Variants in DSCAM observed in about 807,000 individuals in gnomAD.
The protein encoded by DSCAM is cell adhesion molecule DSCAM.
In DSCAM, 47 loss-of-function variants were observed where a neutral mutation model predicts 217.7. The ratio of observed to expected loss-of-function variants is 0.22; its 90% CI spans 0.17 to 0.28. The LOEUF (loss-of-function observed/expected upper bound fraction) is 0.28, where lower values mean the gene tolerates loss of function less well. Among genes scored for constraint, DSCAM ranks in the 10% least tolerant of loss-of-function variants. DSCAM has a pLI of 1.00. For missense variants in DSCAM, 2,080 were observed against 2,618.3 expected (o/e 0.79, Z 4.49); for synonymous variants, 1,056 against 1,015.3 (o/e 1.04, Z -0.76).
intron 3 of DSCAM, among the ~76,000 whole-genome samples, chr21:40,480,482 A>G (rs1436554370): frequency 6.6e-6 from 1 of 152,234 alleles, no homozygotes; most frequent in African/African-American, 2.4e-5. Context: ...CATTGAAGCT[A>G]TATTTTTGCA....
Position 40,182,622 on chromosome 21 carries a change from C to T in DSCAM, c.2780-3528G>A, listed in dbSNP as rs1177316058. Among the ~76,000 whole-genome samples, 36 of 100,998 alleles carry T rather than the reference C, an allele frequency of 3.6e-4. 1 individual carries two copies. Among genetic ancestry groups the T allele is most frequent in the African/African-American group, 1.2e-3 (25 of 21,650 alleles). 66.3% of individuals were successfully genotyped at this position (100,998 alleles called of 152,430 possible). ...CAGAGAAACCGTGGACAGAACGGGC[C>T]ACCAGAGAAACCGTGGACAGGAGGG... is the stretch of plus-strand genomic sequence containing the variant. On this transcript the variant is annotated intron_variant, in intron 14 of 32. Coordinates refer to ENST00000400454, the MANE Select transcript of DSCAM (RefSeq NM_001389.5).
intron 8 of DSCAM, among the ~76,000 whole-genome samples, chr21:40,320,915 T>C (rs1176863742): frequency 6.6e-6 from 1 of 152,236 alleles, no homozygotes; most frequent in African/African-American, 2.4e-5. Context: ...TGTTCATTTA[T>C]GTGTATTTAC....
chr21:40,364,463 G>A (rs1303876774), intron 4 of DSCAM, among the ~76,000 whole-genome samples: 3 of 148,694 alleles, frequency 2.0e-5, no homozygotes, highest in Non-Finnish European at 3.0e-5. Flanking sequence ...TCACTCATAG[G>A]TGGGAATTGA....
intron 11 of DSCAM, among the ~76,000 whole-genome samples, chr21:40,261,681 A>T (rs1218212929): frequency 6.6e-6 from 1 of 151,688 alleles, no homozygotes; most frequent in Admixed American, 6.6e-5. Context: ...ACACACACAC[A>T]CACACATTCT....
intron 11 of DSCAM, among the ~76,000 whole-genome samples, chr21:40,267,849 T>C (rs2073560602): frequency 6.6e-6 from 1 of 151,870 alleles, no homozygotes; most frequent in Non-Finnish European, 1.5e-5. Flanking sequence ...TGAGCTGAGA[T>C]CGTGCCATTG....
chr21:40,140,986 TACA>T (rs2090283382), intron 18 of DSCAM, among the ~76,000 whole-genome samples: 2 of 152,128 alleles, frequency 1.3e-5, no homozygotes, highest in African/African-American at 4.8e-5. Flanking sequence ...CTCCAGGTAC[TACA>T]TGTGGCAACA....
chr21:40,188,000 C>A lies in DSCAM; in HGVS notation c.2554-13G>T, dbSNP rs751150841. The A allele has an allele frequency of 8.7e-6, 14 of 1,603,088 alleles. No individual in the cohort carries two copies. The South Asian group carries it at 1.6e-4, about 18-fold the overall frequency. On this transcript the variant is annotated splice_polypyrimidine_tract_variant and intron_variant, in intron 12 of 32. Transcript: ENST00000400454. Reference sequence around the variant, plus strand: ...CAGTTGGCAAAATCTATGTGTAAAGCAGAAAGAAATTCATCTTTTTCAGTA... The same window carrying A: ...CAGTTGGCAAAATCTATGTGTAAAGAAGAAAGAAATTCATCTTTTTCAGTA...
intron 8 of DSCAM, 87 bp downstream of exon 8, chr21:40,338,014 C>A (rs2074445966): frequency 6.6e-7 from 1 of 1,523,816 alleles, no homozygotes; most frequent in African/African-American, 1.4e-5. Context: ...ATAAGCAGAT[C>A]TTGGATTACC....
At chr21:40,358,978 A>G (rs1446033726) in intron 4 of DSCAM, among the ~76,000 whole-genome samples, 1 of 152,162 alleles carries the variant, frequency 6.6e-6, no homozygotes, top group African/African-American at 2.4e-5. Context: ...ATAGTTGACT[A>G]TTTTACATCA....
At chr21:40,525,847 T>G (rs1265878583) in intron 3 of DSCAM, among the ~76,000 whole-genome samples, 1 of 152,210 alleles carries the variant, frequency 6.6e-6, no homozygotes, top group African/African-American at 2.4e-5. Flanking sequence ...GCCTTCCATC[T>G]GAGAACCTTC....
chr21:40,626,241 C>T (rs930485041), intron 3 of DSCAM, among the ~76,000 whole-genome samples: 1 of 152,122 alleles, frequency 6.6e-6, no homozygotes, highest in African/African-American at 2.4e-5. Context: ...CTGCCCTCAG[C>T]CCATGTCAAC....
intron 16 of DSCAM, among the ~76,000 whole-genome samples, chr21:40,151,915 G>A (rs1374117755): frequency 6.6e-6 from 1 of 152,132 alleles, no homozygotes; most frequent in East Asian, 1.9e-4. Context: ...AGCTTCTGAT[G>A]AGCCAATTTA....
chr21:40,167,117 T>G, intron 16 of DSCAM, 101 bp downstream of exon 16: 2 of 1,045,576 alleles, frequency 1.9e-6, no homozygotes, highest in Non-Finnish European at 1.4e-6. Flanking sequence ...AAAATAAAAG[T>G]TTTGTAAAAT....
chr21:40,666,536 C>T (rs1447213497), intron 3 of DSCAM, among the ~76,000 whole-genome samples: 1 of 152,214 alleles, frequency 6.6e-6, no homozygotes, highest in African/African-American at 2.4e-5. Context: ...TTCTTCCTCA[C>T]CTTGCATGGG....
At chr21:40,480,471 A>G (rs2075972941) in intron 3 of DSCAM, among the ~76,000 whole-genome samples, 1 of 152,228 alleles carries the variant, frequency 6.6e-6, no homozygotes, top group African/African-American at 2.4e-5. Context: ...TATGCATAAC[A>G]CATTGAAGCT....
chr21:40,157,899 G>A (rs1369482375), intron 16 of DSCAM, among the ~76,000 whole-genome samples: 4 of 151,394 alleles, frequency 2.6e-5, no homozygotes, highest in Non-Finnish European at 5.9e-5. Context: ...TCACTATGTT[G>A]CCCAGGCTGG....
chr21:40,144,739 G>A lies in DSCAM; in HGVS notation c.3019-8C>T. The A allele has an allele frequency of 6.2e-7, 1 of 1,614,096 alleles. No homozygotes were observed. ...CAAATGTTTCTTGGGAGCCTAAACA[G>A]GAGAGAAAAGAACACACTAAAGAAG... On this transcript the variant is annotated splice_polypyrimidine_tract_variant and splice_region_variant and intron_variant, in intron 16 of 32. Transcript: ENST00000400454. The surrounding 1 kb of genome is among the most constrained non-coding windows in gnomAD (Gnocchi z 4.8).
intron 32 of DSCAM, among the ~76,000 whole-genome samples, chr21:40,018,617 C>A (rs933862995): frequency 6.6e-6 from 1 of 152,180 alleles, no homozygotes; most frequent in Non-Finnish European, 1.5e-5. Flanking sequence ...GTGGTCCCGG[C>A]TGGACTGCAG....
At chr21:40,791,793 T>C (rs1437882510) in intron 1 of DSCAM, among the ~76,000 whole-genome samples, 1 of 152,210 alleles carries the variant, frequency 6.6e-6, no homozygotes, top group East Asian at 1.9e-4. Context: ...TCTCCTCACA[T>C]TGTCTTCATC....
Sources: allele counts gnomAD v4.1 joint callset (sites outside exome capture counted in the v4.1 genomes callset), GRCh38; gene constraint gnomAD v4.1.1; non-coding constraint Gnocchi (gnomAD v3.1); transcripts MANE v1.5; gene names NCBI Gene and HGNC (gene_info 2026-07-23, HGNC 2026-07-21).